Variants in TTLL8 observed in about 807,000 individuals in gnomAD.
The protein encoded by TTLL8 is tubulin tyrosine ligase like 8.
A neutral mutation model predicts 77.8 loss-of-function variants in TTLL8; 65 were observed. The ratio of observed to expected loss-of-function variants is 0.84; its 90% CI spans 0.68 to 1.03. The LOEUF is 1.03. Among genes scored for constraint, TTLL8 ranks in the 50% least tolerant of loss-of-function variants. The pLI is 0.00. For missense variants in TTLL8, 910 were observed against 1,004.5 expected, an observed-to-expected ratio of 0.91 and a Z score of 1.27; for synonymous variants, 402 against 422.8, an observed-to-expected ratio of 0.95 and a Z score of 0.60.
At chr22:50,057,483 G>A (rs1435098187), upstream of TTLL8, among the ~76,000 whole-genome samples, 1,170 of 115,212 alleles carry the variant, frequency 0.01, 21 homozygotes, top group East Asian at 0.031. Flanking sequence ...CTGGATTGTG[G>A]GTCAGGTCTG....
intron 1 of TTLL8, among the ~76,000 whole-genome samples, chr22:50,052,441 G>A (rs1325393485): frequency 2.0e-5 from 3 of 152,178 alleles, no homozygotes; most frequent in Non-Finnish European, 2.9e-5. Context: ...TAACCAGTCC[G>A]GGAGAGCACA....
At chr22:50,033,800 C>T (rs1569225535) in intron 9 of TTLL8, among the ~76,000 whole-genome samples, 2 of 152,110 alleles carry the variant, frequency 1.3e-5, no homozygotes, top group African/African-American at 2.4e-5. Context: ...TTTGGGAGGC[C>T]GAGGCAGGTG....
intron 4 of TTLL8, among the ~76,000 whole-genome samples, chr22:50,046,278 G>C (rs1482055265): frequency 2.0e-5 from 3 of 152,150 alleles, no homozygotes; most frequent in Non-Finnish European, 4.4e-5. Context: ...GGGCACTGGG[G>C]CTCCCTCCAG....
intron 1 of TTLL8, among the ~76,000 whole-genome samples, chr22:50,051,058 C>A (rs1264742123): frequency 6.6e-6 from 1 of 152,178 alleles, no homozygotes; most frequent in African/African-American, 2.4e-5. Flanking sequence ...GATGGGGTTT[C>A]ATCATGTTGG....
intron 12 of TTLL8, among the ~76,000 whole-genome samples, chr22:50,020,884 C>CAAT (rs2061192950): frequency 1.5e-5 from 2 of 136,180 alleles, no homozygotes; most frequent in South Asian, 2.6e-4. Context: ...CTCCATCTGA[C>CAAT]GTGCACTCCT....
chr22:50,024,672 G>A lies in TTLL8; in HGVS notation c.2203+5758C>T, dbSNP rs1011711418. Among the ~76,000 whole-genome samples, 4 of 152,194 alleles carry A rather than the reference G, an allele frequency of 2.6e-5. No individual in the cohort carries two copies. The South Asian group carries it at 6.2e-4, about 24-fold the overall frequency. On this transcript the variant is annotated intron_variant, in intron 12 of 13. Coordinates refer to ENST00000266182, the Ensembl canonical transcript of TTLL8. The stretch of plus-strand genomic sequence containing the variant: ...AATTCAGGGCATATACACAGACGGG[G>A]TGATCTCACTACGTCCGAAGAACAA...
exon 12 of TTLL8, chr22:50,030,860 T>C: frequency 2.2e-6 from 3 of 1,335,636 alleles, no homozygotes; most frequent in Admixed American, 2.1e-5. Flanking sequence ...GCCTCCTGGC[T>C]CTCCTCACAC....
chr22:50,045,049 T>A (rs1466029756), intron 6 of TTLL8: 3 of 305,540 alleles, frequency 9.8e-6, no homozygotes, highest in Admixed American at 1.3e-4. Context: ...GCCAGGTGCT[T>A]TACAAACGGG....
Position 50,033,286 on chromosome 22 carries a change from T to G in TTLL8, c.1199A>C (p.Asp400Ala), listed in dbSNP as rs144347002. ...GAACCAGATGGTCAGGGGGTTCCAGTCCGTGACGAGGAACCACTGTCTGAT... is the reference window on the plus strand; with the variant it reads ...GAACCAGATGGTCAGGGGGTTCCAGGCCGTGACGAGGAACCACTGTCTGAT... Residue 400 changes from aspartate (D) to alanine (A), a missense_variant, in exon 10 of 14, where the codon GAC becomes GCC. Coordinates refer to ENST00000266182, the Ensembl canonical transcript of TTLL8. The G allele has an allele frequency of 1.4e-3, 1,908 of 1,363,204 alleles. 3 individuals carry two copies. Among genetic ancestry groups the G allele is most frequent in the Non-Finnish European group, 1.8e-3 (1,799 of 1,020,162 alleles). The allele number at this position is 1,363,204 out of a possible 1,614,324, so 84.4% of individuals were successfully genotyped here. A position where few individuals can be genotyped will look rare whatever the true frequency, so the allele number is the denominator to read the frequency against.
exon 11 of TTLL8, chr22:50,032,036 C>T (rs569616807): frequency 1.2e-5 from 17 of 1,366,194 alleles, no homozygotes; most frequent in Non-Finnish European, 1.3e-5. Flanking sequence ...ATGTTGTGTG[C>T]GGGCAGCAGG....
Position 50,041,041 on chromosome 22 carries a change from C to G in TTLL8, c.921+146G>C. On this transcript the variant is annotated intron_variant, in intron 8 of 13. Coordinates refer to ENST00000266182, the Ensembl canonical transcript of TTLL8. The surrounding 1 kb of genome is among the most constrained non-coding windows in gnomAD (Gnocchi z 4.3). ...CAGGCATACATCTGCCAGTCATTCA[C>G]CAGCTGCCAAGCTCTGGGCCTCGGC... The G allele has an allele frequency of 3.3e-6, 1 of 307,120 alleles. No homozygotes were observed. The highest frequency in any genetic ancestry group is 2.9e-5 in the South Asian group (1 of 35,042). The allele number at this position is 307,120 out of a possible 1,614,324, so 19.0% of individuals were successfully genotyped here. A position where few individuals can be genotyped will look rare whatever the true frequency, so the allele number is the denominator to read the frequency against.
At chr22:50,040,968 A>G (rs2061366721) in intron 8 of TTLL8, among the ~76,000 whole-genome samples, 1 of 152,146 alleles carries the variant, frequency 6.6e-6, no homozygotes, top group African/African-American at 2.4e-5. Flanking sequence ...GGACCCCTGG[A>G]GTGGCAAATG....
At chr22:50,049,042 G>A in intron 3 of TTLL8, 1 of 569,244 alleles carries the variant, frequency 1.8e-6, no homozygotes, top group Non-Finnish European at 2.2e-6. Flanking sequence ...CCACTACACA[G>A]CGGCTCATCC....
At chr22:50,046,086 G>A (rs1478933810) in intron 4 of TTLL8, 116 bp from the exon 7 acceptor site, 3 of 937,910 alleles carry the variant, frequency 3.2e-6, no homozygotes, top group Non-Finnish European at 4.4e-6. Context: ...GCACCACACA[G>A]CACCCCTAGG....
chr22:50,054,193 C>T (rs921984727), intron 1 of TTLL8, among the ~76,000 whole-genome samples: 1 of 152,190 alleles, frequency 6.6e-6, no homozygotes, highest in African/African-American at 2.4e-5. Flanking sequence ...GTCAGGCCTT[C>T]TGAGCAGTGG....
intron 4 of TTLL8, among the ~76,000 whole-genome samples, chr22:50,046,197 C>T (rs2061410419): frequency 1.3e-5 from 2 of 152,166 alleles, no homozygotes; most frequent in African/African-American, 2.4e-5. Flanking sequence ...TCAGACGCAT[C>T]CTTGAGGCAG....
At chr22:50,018,901 T>C in intron 12 of TTLL8, among the ~76,000 whole-genome samples, 110 bp from the exon 14 acceptor site, 1 of 152,200 alleles carries the variant, frequency 6.6e-6, no homozygotes, top group Non-Finnish European at 1.5e-5. Flanking sequence ...AGAATGAACA[T>C]GGTTGGAAGT....
chr22:50,046,693 C>T (rs889838503), intron 4 of TTLL8, among the ~76,000 whole-genome samples: 1 of 152,226 alleles, frequency 6.6e-6, no homozygotes, highest in African/African-American at 2.4e-5. Context: ...GCCCCTCTTC[C>T]GGGACCCCTC....
intron 12 of TTLL8, among the ~76,000 whole-genome samples, chr22:50,027,235 C>CA (rs561709418): frequency 0.12 from 13,220 of 110,540 alleles, 763 homozygotes; most frequent in East Asian, 0.29. Flanking sequence ...GACTCCGTCT[C>CA]AAAAAAAAAA....
Sources: gnomAD v4.1 joint callset for allele counts (sites outside exome capture counted in the v4.1 genomes callset) on GRCh38, gnomAD v4.1.1 for gene constraint, Gnocchi (gnomAD v3.1) non-coding constraint, MANE v1.5 for transcripts, NCBI Gene and HGNC (gene_info 2026-07-23, HGNC 2026-07-21) for gene names.